Variants in PNPLA3 observed in about 807,000 individuals in gnomAD.
PNPLA3 encodes patatin like domain 3, 1-acylglycerol-3-phosphate O-acyltransferase.
A neutral mutation model predicts 43.1 loss-of-function variants in PNPLA3; 42 were observed. That is an observed-to-expected ratio of 0.97 (90% confidence interval 0.76 to 1.26). The LOEUF is 1.26. PNPLA3 is among the 50% of genes most tolerant of loss of function. The pLI is 0.00. For missense variants in PNPLA3, 647 were observed against 621.4 expected (o/e 1.04, Z -0.44); for synonymous variants, 272 against 253.6 (o/e 1.07, Z -0.69).
intron 7 of PNPLA3, among the ~76,000 whole-genome samples, chr22:43,941,977 T>G (rs1017174957): frequency 6.6e-6 from 1 of 152,206 alleles, no homozygotes. Context: ...CCTGTGGATG[T>G]GGCCCTGGAC....
rs368751842 is a variant in PNPLA3 at position 43,947,543 on chromosome 22, C to T, written c.*1161C>T. The T allele has an allele frequency of 7.0e-5, 12 of 170,460 alleles. No individual in the cohort carries two copies. The highest frequency in any genetic ancestry group is 1.8e-4 in the South Asian group (1 of 5,480). 10.6% of individuals were successfully genotyped at this position (170,460 alleles called of 1,614,324 possible). A position where few individuals can be genotyped will look rare whatever the true frequency, so the allele number is the denominator to read the frequency against. On this transcript the variant is annotated 3_prime_UTR_variant, in exon 9 of 9. Transcript: ENST00000216180. ...TCAGTGAGTTTCTCCCCATGTGTGG[C>T]GATGAGAGAGTGTAGAAATAAAGAC... is the stretch of plus-strand genomic sequence containing the variant.
chr22:43,944,656 T>C, intron 7 of PNPLA3, 35 bp from the exon 8 acceptor site: 1 of 1,542,806 alleles, frequency 6.5e-7, no homozygotes, highest in Non-Finnish European at 9.0e-7. Flanking sequence ...TGTCTGCCTA[T>C]GTGTGTGTTT....
chr22:43,932,401 C>T (rs2049967209), intron 3 of PNPLA3, among the ~76,000 whole-genome samples: 1 of 152,180 alleles, frequency 6.6e-6, no homozygotes, highest in Admixed American at 6.5e-5. Context: ...AAGGTCTTAT[C>T]CCAGATTTCT....
intron 1 of PNPLA3, among the ~76,000 whole-genome samples, chr22:43,926,036 C>A (rs2146773336): frequency 6.6e-6 from 1 of 152,338 alleles, no homozygotes; most frequent in Non-Finnish European, 1.5e-5. Flanking sequence ...TTCCAGGGCT[C>A]CAGGTTCCTG....
At position 43,927,018 on chromosome 22, in the gene PNPLA3, A is replaced by G. The variant is rs767264194; in HGVS notation, c.271A>G (p.Ser91Gly). The change falls in exon 2 of 9, where the codon AGC becomes GGC. Residue 91 changes from serine (S) to glycine (G), a missense_variant. Transcript: ENST00000216180. ...CATCTTCCATCCATCCTTCAACTTA[A>G]GCAAGTTCCTCCGACAGGGTCTCTG... ...IGIFHPSFNL[S>G]KFLRQGLCKC... The G allele has an allele frequency of 4.3e-6, 7 of 1,614,240 alleles. No individual in the cohort carries two copies. The Admixed American group carries it at 6.7e-5, about 15-fold the overall frequency.
In PNPLA3 at chr22:43,946,189, C is replaced by A. The variant is rs144968908; in HGVS notation, c.1253C>A (p.Pro418Gln). 2.4e-4 allele frequency: 384 copies of A among 1,613,994 alleles called. No individual in the cohort carries two copies. The highest frequency in any genetic ancestry group is 4.2e-5 in the Non-Finnish European group (49 of 1,179,984). The change falls in exon 9 of 9, where the codon CCA becomes CAA. Residue 418 changes from proline (P) to glutamine (Q), a missense_variant. Physicochemically the swap from Pro to Gln is moderately conservative, Grantham distance 76 (BLOSUM62 -1). Transcript: ENST00000216180. ...CCAGTGAGCAGCCAACAGGCCTCCC[C>A]ATGCACACCTGAGCAGGACTGGCCC... is the stretch of plus-strand genomic sequence containing the variant. Reference protein sequence around the residue: ...QMPVSSQQASPCTPEQDWPCW... With the variant: ...QMPVSSQQASQCTPEQDWPCW...
At chr22:43,929,439 G>A (rs1228592686) in intron 3 of PNPLA3, among the ~76,000 whole-genome samples, 1 of 147,016 alleles carries the variant, frequency 6.8e-6, no homozygotes, top group Admixed American at 6.8e-5. Flanking sequence ...TCGCACCACT[G>A]CACTCCATCC....
chr22:43,937,498 A>G (rs2050003735), intron 6 of PNPLA3, among the ~76,000 whole-genome samples: 1 of 152,090 alleles, frequency 6.6e-6, no homozygotes, highest in Non-Finnish European at 1.5e-5. Flanking sequence ...CCATGGGGTC[A>G]TGACCAGGAG....
intron 7 of PNPLA3, among the ~76,000 whole-genome samples, chr22:43,940,680 G>A (rs570217924): frequency 1.3e-5 from 2 of 151,856 alleles, no homozygotes; most frequent in Admixed American, 1.3e-4. Flanking sequence ...ATGGTGGCAC[G>A]TGCCTGTACT....
intron 3 of PNPLA3, among the ~76,000 whole-genome samples, chr22:43,932,479 C>T (rs1603416333): frequency 6.6e-6 from 1 of 152,328 alleles, no homozygotes; most frequent in African/African-American, 2.4e-5. Context: ...CTTTGGGTTT[C>T]CATCACACTC....
At position 43,947,061 on chromosome 22, in the gene PNPLA3, T is replaced by TAAAA. The variant is rs397716964; in HGVS notation, c.*689_*692dup. 2.7e-4 allele frequency: 49 copies of TAAAA among 178,880 alleles called. No individual in the cohort carries two copies. Among genetic ancestry groups the TAAAA allele is most frequent in the South Asian group, 8.1e-4 (8 of 9,892 alleles). The allele number at this position is 178,880 out of a possible 1,614,324, so 11.1% of individuals were successfully genotyped here. The stretch of plus-strand genomic sequence containing the variant: ...AGTGAGATGTTAGTAGAATAAGCCT[T>TAAAA]AAAAAAAAAAAAATCGGTTGGGTGC... On this transcript the variant is annotated 3_prime_UTR_variant, in exon 9 of 9. Transcript: ENST00000216180.
Position 43,926,361 on chromosome 22 carries a change from G to C in PNPLA3, c.188-574G>C, listed in dbSNP as rs149563123. Among the ~76,000 whole-genome samples the C allele has an allele frequency of 5.0e-3, 757 of 152,320 alleles. 6 individuals carry two copies. Among genetic ancestry groups the C allele is most frequent in the African/African-American group, 0.017 (727 of 41,572 alleles). ...GCCAGGAGAGTGCAGATCAGCCTGA[G>C]AGGCCAGGCCAGTAAGTGAGGTCAG... On this transcript the variant is annotated intron_variant, in intron 1 of 8. Transcript: ENST00000216180.
rs1209635352 is a variant in PNPLA3 at position 43,934,604 on chromosome 22, AG to A, written c.697del. The A allele has an allele frequency of 1.2e-6, 2 of 1,613,232 alleles. No homozygotes were observed. The highest frequency in any genetic ancestry group is 1.7e-6 in the Non-Finnish European group (2 of 1,179,338). ...TAGTCCCCTTGCTTGCTTTGCTCAC[AG>A]GTGCTGGGAGAGATATGCCTTCGAG... On this transcript the variant is annotated splice_acceptor_variant, in intron 4 of 8. Transcript: ENST00000216180. LOFTEE classifies it high-confidence loss of function.
rs1436815987 is a variant in PNPLA3, at chr22:43,944,745, G to A, written c.1167G>A (p.Val389=). 1 of 1,614,084 alleles carries A rather than the reference G, an allele frequency of 6.2e-7. No homozygotes were observed. Among genetic ancestry groups the A allele is most frequent in the East Asian group, 2.2e-5 (1 of 44,892 alleles). The change falls in exon 8 of 9, where the codon GTG becomes GTA. Residue 389 remains valine, a synonymous_variant. Coordinates refer to ENST00000216180, the MANE Select transcript of PNPLA3 (RefSeq NM_025225.3). ...ACGATGTCCTGTGGTTGCAGTGGGT[G>A]ACCTCACAGGTGTTCACTCGAGTGC... ...MPDDVLWLQW[V]TSQVFTRVLM... is the part of the protein sequence containing the mutation.
At chr22:43,935,188 A>G (rs1424238035) in intron 5 of PNPLA3, among the ~76,000 whole-genome samples, 1 of 152,146 alleles carries the variant, frequency 6.6e-6, no homozygotes, top group East Asian at 1.9e-4. Context: ...CTGTAGAAAT[A>G]TTAGAGTGGA....
In PNPLA3 at chr22:43,940,114, G is replaced by A. The variant is rs756663646; in HGVS notation, c.1101G>A (p.Ala367=). The change falls in exon 7 of 9, where the codon GCG becomes GCA. Residue 367 remains alanine, a synonymous_variant. Transcript: ENST00000216180. The part of the protein sequence containing the change: ...PCTLPVESAI[A]IVQRLVTWLP... ...CCCTGCCTGTGGAATCTGCCATTGC[G>A]ATTGTCCAGAGGTGAGCATTTTAGG... The A allele has an allele frequency of 1.8e-5, 29 of 1,613,964 alleles. 1 individual carries two copies. The highest frequency in any genetic ancestry group is 2.3e-5 in the Non-Finnish European group (27 of 1,179,992).
chr22:43,929,244 A>T (rs1007071739), intron 3 of PNPLA3, among the ~76,000 whole-genome samples: 1 of 152,046 alleles, frequency 6.6e-6, no homozygotes, highest in African/African-American at 2.4e-5. Context: ...GGGAGCCTGA[A>T]GCAGGCAGAT....
At chr22:43,939,671 C>G (rs1300953349) in intron 6 of PNPLA3, among the ~76,000 whole-genome samples, 2 of 152,176 alleles carry the variant, frequency 1.3e-5, no homozygotes, top group Non-Finnish European at 2.9e-5. Context: ...AAAAAATTAG[C>G]TGGGCATGGT....
Position 43,946,558 on chromosome 22 carries a change from G to A in PNPLA3, c.*176G>A, listed in dbSNP as rs1410221181. The A allele has an allele frequency of 2.5e-5, 18 of 718,276 alleles. No individual in the cohort carries two copies. The highest frequency in any genetic ancestry group is 3.5e-5 in the African/African-American group (2 of 57,680). 44.5% of individuals were successfully genotyped at this position (718,276 alleles called of 1,614,324 possible). Reference sequence around the variant, plus strand: ...GGAAGCAACCTTTCGCCTGTGCAGCGGTCCAGCACTTAACTCTAATACATC... The same window carrying A: ...GGAAGCAACCTTTCGCCTGTGCAGCAGTCCAGCACTTAACTCTAATACATC... On this transcript the variant is annotated 3_prime_UTR_variant, in exon 9 of 9. Coordinates refer to ENST00000216180, the MANE Select transcript of PNPLA3 (RefSeq NM_025225.3).
Sources: gnomAD v4.1 joint callset for allele counts (sites outside exome capture counted in the v4.1 genomes callset) on GRCh38, gnomAD v4.1.1 for gene constraint, MANE v1.5 for transcripts, NCBI Gene and HGNC (gene_info 2026-07-23, HGNC 2026-07-21) for gene names.